Variants in CABIN1 observed in about 807,000 individuals in gnomAD.
CABIN1 encodes calcineurin-binding protein cabin-1.
In CABIN1, 133 loss-of-function variants were observed where a neutral mutation model predicts 227.7. The observed-to-expected ratio is 0.58, with a 90% CI of 0.51 to 0.67. The LOEUF is 0.67. Among genes scored for constraint, CABIN1 ranks in the 30% least tolerant of loss-of-function variants. CABIN1 has a pLI of 0.00. For missense variants in CABIN1, 2,408 were observed against 2,852.5 expected, an observed-to-expected ratio of 0.84 and a Z score of 3.55; for synonymous variants, 1,086 against 1,155.1, an observed-to-expected ratio of 0.94 and a Z score of 1.21.
chr22:24,121,590 A>G lies in CABIN1; in HGVS notation c.4632+1892A>G, dbSNP rs139237797. ...TGCACCCAGGTGGACCTGGGTCTTA[A>G]TAAACCCCAACCAGCATGTCCTCAC... On this transcript the variant is annotated intron_variant, in intron 28 of 36. Coordinates refer to ENST00000263119, the MANE Select transcript of CABIN1 (RefSeq NM_012295.4). 6.0e-3 allele frequency among the ~76,000 whole-genome samples: 918 copies of G among 152,342 alleles called. 9 individuals are homozygous for G. The highest frequency in any genetic ancestry group is 0.021 in the African/African-American group (882 of 41,572).
At position 24,177,829 on chromosome 22, in the gene CABIN1, G is replaced by A. The variant is rs1439768151; in HGVS notation, c.6519+12G>A. 1 of 1,605,140 alleles carries A rather than the reference G, an allele frequency of 6.2e-7. No individual in the cohort carries two copies. Among genetic ancestry groups the A allele is most frequent in the Admixed American group, 1.7e-5 (1 of 59,634 alleles). On this transcript the variant is annotated intron_variant, in intron 36 of 36. Coordinates refer to ENST00000263119, the MANE Select transcript of CABIN1 (RefSeq NM_012295.4). This position sits in a 1 kb window ranked among gnomAD's most constrained non-coding sequence, Gnocchi z 4.4. ...AGCAGAAGCTGAAGGTGACCTCAGGGGCTGGGCTGGAGCCATGTGTGGGTG... is the reference window on the plus strand; with the variant it reads ...AGCAGAAGCTGAAGGTGACCTCAGGAGCTGGGCTGGAGCCATGTGTGGGTG...
intron 14 of CABIN1, 52 bp from the exon 15 acceptor site, chr22:24,063,983 A>C: frequency 1.2e-6 from 2 of 1,611,824 alleles, no homozygotes; most frequent in Non-Finnish European, 1.7e-6. Context: ...CATCTGGCAC[A>C]TCATAGTCAG....
chr22:24,017,039 C>CTTTTTTTTTTT, intron 1 of CABIN1, among the ~76,000 whole-genome samples: 1 of 122,226 alleles, frequency 8.2e-6, no homozygotes. Context: ...TACAATTTAT[C>CTTTTTTTTTTT]TTTTTTTTTT....
chr22:24,027,135 T>C (rs2036150697), intron 1 of CABIN1, among the ~76,000 whole-genome samples: 1 of 152,260 alleles, frequency 6.6e-6, no homozygotes, highest in African/African-American at 2.4e-5. Context: ...TTTGGAGCTA[T>C]TGTAAATGAT....
chr22:24,026,220 T>G (rs1479898188), intron 1 of CABIN1, among the ~76,000 whole-genome samples: 4 of 152,172 alleles, frequency 2.6e-5, no homozygotes, highest in Admixed American at 6.5e-5. Flanking sequence ...GCAATCATCC[T>G]GTGTTGGCCT....
intron 24 of CABIN1, among the ~76,000 whole-genome samples, chr22:24,092,687 A>AGTGT (rs3221282): frequency 0.22 from 30,953 of 138,564 alleles, 3,450 homozygotes; most frequent in East Asian, 0.31. Context: ...TGATTATAAA[A>AGTGT]GTGTGTGTGT....
At chr22:24,077,716 A>G (rs1374301632) in intron 19 of CABIN1, among the ~76,000 whole-genome samples, 1 of 152,128 alleles carries the variant, frequency 6.6e-6, no homozygotes. Context: ...CTCTGCAGGG[A>G]CAGTCTCTGC....
Position 24,087,588 on chromosome 22 carries a change from G to A in CABIN1, c.3400G>A (p.Glu1134Lys), listed in dbSNP as rs755708878. 3 of 1,614,206 alleles carry A rather than the reference G, an allele frequency of 1.9e-6. No homozygotes were observed. The highest frequency in any genetic ancestry group is 1.1e-5 in the South Asian group (1 of 91,082). ...CTTGAACTGCTTCCGTCGGGCCCTGGAGATTGACAGCTCCAACTTGTCCCT... is the reference window on the plus strand; with the variant it reads ...CTTGAACTGCTTCCGTCGGGCCCTGAAGATTGACAGCTCCAACTTGTCCCT... ...PVLNCFRRAL[E>K]IDSSNLSLWI... is the part of the protein sequence containing the mutation. The change falls in exon 23 of 37, where the codon GAG becomes AAG. Residue 1134 changes from glutamate to lysine, a missense_variant. Transcript: ENST00000263119.
intron 21 of CABIN1, 81 bp downstream of exon 21, chr22:24,084,866 G>A: frequency 6.4e-7 from 1 of 1,570,568 alleles, no homozygotes; most frequent in African/African-American, 1.4e-5. Context: ...ATGCTCCTTT[G>A]CTTCTTTTTC....
rs1569332329 is a variant in CABIN1 at position 24,177,646 on chromosome 22, A to T, written c.6348A>T (p.Pro2116=). Residue 2116 remains proline, a synonymous_variant, in exon 36 of 37, where the codon CCA becomes CCT. Coordinates refer to ENST00000263119, the MANE Select transcript of CABIN1 (RefSeq NM_012295.4). The surrounding 1 kb of genome is among the most constrained non-coding windows in gnomAD (Gnocchi z 4.4). The part of the protein sequence containing the change: ...SGSAQPPEGH[P]GKPEPSRAKS... ...GTGCCCAGCCACCAGAGGGTCACCC[A>T]GGCAAGCCTGAGCCCAGCCGGGCTA... 1 of 1,613,734 alleles carries T rather than the reference A, an allele frequency of 6.2e-7. No individual in the cohort carries two copies. The highest frequency in any genetic ancestry group is 8.5e-7 in the Non-Finnish European group (1 of 1,179,876).
chr22:24,037,972 A>AG (rs1290591426), intron 3 of CABIN1, among the ~76,000 whole-genome samples: 2 of 152,226 alleles, frequency 1.3e-5, no homozygotes, highest in African/African-American at 2.4e-5. Context: ...GATACAACTC[A>AG]GGAACAGCCA....
intron 29 of CABIN1, among the ~76,000 whole-genome samples, chr22:24,159,532 TC>T (rs1430882681): frequency 3.3e-5 from 5 of 152,282 alleles, no homozygotes; most frequent in Admixed American, 6.5e-5. Flanking sequence ...CATGGCCTGT[TC>T]CTTCCTCAGC....
intron 32 of CABIN1, among the ~76,000 whole-genome samples, chr22:24,168,014 C>T (rs1177997684): frequency 1.3e-5 from 2 of 152,224 alleles, no homozygotes; most frequent in Admixed American, 6.5e-5. Context: ...CCCCTCTTCC[C>T]CTAGCAACTG....
At chr22:24,119,902 C>G (rs1035938876) in intron 28 of CABIN1, among the ~76,000 whole-genome samples, 2 of 152,228 alleles carry the variant, frequency 1.3e-5, no homozygotes, top group African/African-American at 4.8e-5. Flanking sequence ...CCCAGGGTCA[C>G]AGCCAGGAAT....
chr22:24,089,986 A>G (rs540801982), intron 23 of CABIN1, among the ~76,000 whole-genome samples: 1 of 152,308 alleles, frequency 6.6e-6, no homozygotes, highest in South Asian at 2.1e-4. Flanking sequence ...TGGGCACCCC[A>G]TATGCAAGGT....
intron 1 of CABIN1, among the ~76,000 whole-genome samples, chr22:24,020,998 T>TA (rs1569076360): frequency 2.0e-5 from 3 of 151,948 alleles, no homozygotes; most frequent in Admixed American, 6.6e-5. Context: ...GATTTGTCTT[T>TA]AAAAAAATTT....
At chr22:24,105,131 G>C (rs920286876) in intron 26 of CABIN1, among the ~76,000 whole-genome samples, 2 of 152,236 alleles carry the variant, frequency 1.3e-5, no homozygotes, top group Admixed American at 6.5e-5. Flanking sequence ...AGAACACAGA[G>C]TCTTTTCTCA....
chr22:24,025,338 G>T (rs71318940), intron 1 of CABIN1, among the ~76,000 whole-genome samples: 2,801 of 152,258 alleles, frequency 0.018, 33 homozygotes, highest in Middle Eastern at 0.031. Flanking sequence ...TTCAAAAGGG[G>T]GGAAAAGGTG....
At chr22:24,014,673 A>G (rs962294316) in intron 1 of CABIN1, among the ~76,000 whole-genome samples, 6 of 152,098 alleles carry the variant, frequency 3.9e-5, no homozygotes, top group Non-Finnish European at 8.8e-5. Context: ...CCTGCATCCT[A>G]GCTGATTTTA....
Sources: allele counts gnomAD v4.1 joint callset (sites outside exome capture counted in the v4.1 genomes callset), GRCh38; gene constraint gnomAD v4.1.1; non-coding constraint Gnocchi (gnomAD v3.1); transcripts MANE v1.5; gene names NCBI Gene and HGNC (gene_info 2026-07-23, HGNC 2026-07-21).